The following USP42 variants were observed in gnomAD, a reference collection of about 807,000 sequenced individuals.
USP42 encodes the protein ubiquitin specific peptidase 42.
A neutral mutation model predicts 113.0 loss-of-function variants in USP42; 23 were observed. That is an observed-to-expected ratio of 0.20 (90% CI 0.15 to 0.29). The LOEUF is 0.29. Among genes scored for constraint, USP42 ranks in the 10% least tolerant of loss-of-function variants. The pLI, the probability that USP42 is intolerant of heterozygous loss-of-function variation, is 1.00. For missense variants in USP42, 2,174 were observed against 1,779.8 expected, an observed-to-expected ratio of 1.22 and a Z score of -3.99; for synonymous variants, 933 against 699.0, an observed-to-expected ratio of 1.33 and a Z score of -5.28.
chr7:6,154,359 T>C lies in USP42; in HGVS notation c.2805T>C (p.Pro935=). ...EDAAAPKAPG[P]SPAKEKIGSL... ...CCGCGGCGCCGAAAGCCCCAGGCCC[T>C]TCCCCAGCGAAGGAGAAAATCGGCA... The change falls in exon 15 of 18, where the codon CCT becomes CCC. Residue 935 remains proline, a synonymous_variant. Coordinates refer to ENST00000306177, the MANE Select transcript of USP42 (RefSeq NM_032172.3). 2.5e-6 allele frequency: 4 copies of C among 1,574,308 alleles called. No individual in the cohort carries two copies. The highest frequency in any genetic ancestry group is 3.4e-6 in the Non-Finnish European group (4 of 1,161,412).
rs773124803 is a variant in USP42 at position 6,156,996 on chromosome 7, C to G, written c.3884C>G (p.Thr1295Arg). ...GGCGTCGGACCTTTCCGTGAGAAAA[C>G]GAAACACTTACGGATGGAAAGCAGG... Reference protein sequence around the residue: ...LEGVGPFREKTKHLRMESRDD... With the variant: ...LEGVGPFREKRKHLRMESRDD... The change falls in exon 16 of 18, where the codon ACG becomes AGG. Residue 1295 changes from threonine to arginine, a missense_variant. Transcript: ENST00000306177. 27 of 1,613,484 alleles carry G rather than the reference C, an allele frequency of 1.7e-5. No individual in the cohort carries two copies. Among genetic ancestry groups the G allele is most frequent in the Non-Finnish European group, 2.2e-5 (26 of 1,179,698 alleles).
chr7:6,147,073 A>G (rs1196315737), intron 11 of USP42, among the ~76,000 whole-genome samples: 2 of 152,222 alleles, frequency 1.3e-5, no homozygotes, highest in Admixed American at 6.5e-5. Flanking sequence ...ATATTCTCAA[A>G]TGTCCAACTG....
At chr7:6,151,718 C>A (rs938878619) in intron 14 of USP42, among the ~76,000 whole-genome samples, 3 of 152,234 alleles carry the variant, frequency 2.0e-5, no homozygotes, top group Non-Finnish European at 4.4e-5. Context: ...GCTGGGATTC[C>A]AGACGTGAGC....
upstream of USP42, among the ~76,000 whole-genome samples, chr7:6,103,382 A>G (rs1790191832): frequency 6.6e-6 from 1 of 150,662 alleles, no homozygotes; most frequent in African/African-American, 2.5e-5. Context: ...ACAAAATACA[A>G]AAAATTAGCC....
the USP42 span, among the ~76,000 whole-genome samples, chr7:6,096,547 G>C: frequency 6.6e-6 from 1 of 151,344 alleles, no homozygotes; most frequent in Non-Finnish European, 1.5e-5. Flanking sequence ...TCTGTACGTT[G>C]TTGGGGTCTG....
chr7:6,132,156 G>A (rs532147803), intron 3 of USP42, among the ~76,000 whole-genome samples: 6 of 151,678 alleles, frequency 4.0e-5, no homozygotes, highest in African/African-American at 1.5e-4. Context: ...GAACTCCTAG[G>A]CTCAAGCGAT....
At chr7:6,085,510 C>T in the USP42 span, among the ~76,000 whole-genome samples, 1 of 150,056 alleles carries the variant, frequency 6.7e-6, no homozygotes, top group East Asian at 1.9e-4. Flanking sequence ...AGTGAGTTAA[C>T]ATGTATAACT....
intron 2 of USP42, 130 bp downstream of exon 2, chr7:6,111,504 A>G (rs1779595055): frequency 9.3e-7 from 1 of 1,071,318 alleles, no homozygotes; most frequent in Admixed American, 2.8e-5. Flanking sequence ...GAGTTGTATT[A>G]CTTGATGGGC....
At chr7:6,126,131 C>T (rs542116285) in intron 3 of USP42, among the ~76,000 whole-genome samples, 1 of 152,156 alleles carries the variant, frequency 6.6e-6, no homozygotes, top group African/African-American at 2.4e-5. Flanking sequence ...ATGATTTTGT[C>T]ATTTCAACAG....
intron 1 of USP42, among the ~76,000 whole-genome samples, chr7:6,108,955 T>C (rs1779442631): frequency 6.6e-6 from 1 of 152,224 alleles, no homozygotes; most frequent in Non-Finnish European, 1.5e-5. Flanking sequence ...GAAAGCTTTC[T>C]CTACACCAGG....
intron 3 of USP42, among the ~76,000 whole-genome samples, chr7:6,130,366 C>T (rs756054891): frequency 1.1e-4 from 17 of 152,202 alleles, no homozygotes; most frequent in South Asian, 2.1e-4. Context: ...ATGGTCTCCA[C>T]GGACACTGCA....
chr7:6,124,114 C>T (rs780828977), intron 3 of USP42, among the ~76,000 whole-genome samples: 2 of 151,664 alleles, frequency 1.3e-5, no homozygotes, highest in Non-Finnish European at 2.9e-5. Flanking sequence ...AACCTCAGGT[C>T]ATCTGCCTGC....
At chr7:6,117,480 C>T (rs192389991) in intron 3 of USP42, among the ~76,000 whole-genome samples, 5 of 152,234 alleles carry the variant, frequency 3.3e-5, no homozygotes, top group South Asian at 2.1e-4. Flanking sequence ...CACTTTGTGC[C>T]GTTACAAATT....
At chr7:6,122,539 G>A (rs1046041021) in intron 3 of USP42, among the ~76,000 whole-genome samples, 2 of 151,630 alleles carry the variant, frequency 1.3e-5, no homozygotes, top group East Asian at 1.9e-4. Context: ...GTGTGATCTC[G>A]GCTCAACTGC....
intron 3 of USP42, among the ~76,000 whole-genome samples, chr7:6,124,822 TA>T (rs760625109): frequency 1.3e-5 from 2 of 152,158 alleles, no homozygotes; most frequent in African/African-American, 2.4e-5. Context: ...ATATTTTTGA[TA>T]TTTTTTTTCA....
At chr7:6,089,809 G>A in the USP42 span, among the ~76,000 whole-genome samples, 3 of 150,774 alleles carry the variant, frequency 2.0e-5, no homozygotes, top group Non-Finnish European at 4.4e-5. Flanking sequence ...GGGATTACAG[G>A]TGTGAGCTAC....
At chr7:6,087,983 C>T in the USP42 span, among the ~76,000 whole-genome samples, 6 of 150,960 alleles carry the variant, frequency 4.0e-5, no homozygotes, top group Non-Finnish European at 8.8e-5. Context: ...GACATAGTAC[C>T]TCTCAACGGT....
intron 11 of USP42, among the ~76,000 whole-genome samples, chr7:6,146,489 C>T (rs959991550): frequency 1.3e-5 from 2 of 152,060 alleles, no homozygotes; most frequent in Non-Finnish European, 2.9e-5. Flanking sequence ...CATAGTGAGA[C>T]CACATGTCTA....
Position 6,139,975 on chromosome 7 carries a change from C to G in USP42, c.657-153C>G. 1 of 740,458 alleles carries G rather than the reference C, an allele frequency of 1.4e-6. No individual in the cohort carries two copies. The allele number at this position is 740,458 out of a possible 1,614,324, so 45.9% of individuals were successfully genotyped here. A position where few individuals can be genotyped will look rare whatever the true frequency, so the allele number is the denominator to read the frequency against. On this transcript the variant is annotated intron_variant, in intron 5 of 17. Coordinates refer to ENST00000306177, the MANE Select transcript of USP42 (RefSeq NM_032172.3). The surrounding 1 kb of genome is among the most constrained non-coding windows in gnomAD (Gnocchi z 4.5). The stretch of plus-strand genomic sequence containing the variant: ...TGTGTTCTGGCCAGGAAGGGATGCT[C>G]TTGGGCTGCCACACGTGCCATCCTT...
Sources: gnomAD v4.1 joint callset for allele counts (sites outside exome capture counted in the v4.1 genomes callset) on GRCh38, gnomAD v4.1.1 for gene constraint, Gnocchi (gnomAD v3.1) non-coding constraint, MANE v1.5 for transcripts, NCBI Gene and HGNC (gene_info 2026-07-23, HGNC 2026-07-21) for gene names.